ZNF438: variants seen among roughly 807,000 people sequenced by gnomAD.
ZNF438 encodes zinc finger protein 438.
ZNF438 carries 25 observed loss-of-function variants against 38.0 expected under a neutral mutation model. The observed-to-expected ratio is 0.66, with a 90% CI of 0.48 to 0.92. The LOEUF (loss-of-function observed/expected upper bound fraction) is 0.92, where lower values mean the gene tolerates loss of function less well. Among genes scored for constraint, ZNF438 ranks in the 40% least tolerant of loss-of-function variants. ZNF438 has a pLI of 0.00. For synonymous variants in ZNF438, 372 were observed against 364.1 expected (o/e 1.02, Z -0.25); for missense variants, 1,007 against 999.6 (o/e 1.01, Z -0.10).
At chr10:30,912,683 T>C (rs2043204279) in intron 2 of ZNF438, among the ~76,000 whole-genome samples, 2 of 152,146 alleles carry the variant, frequency 1.3e-5, no homozygotes, top group Admixed American at 1.3e-4. Flanking sequence ...TTTCTTCCAC[T>C]TACTGTCTGA....
At chr10:30,965,840 T>C (rs761170312) in intron 1 of ZNF438, among the ~76,000 whole-genome samples, 4 of 152,124 alleles carry the variant, frequency 2.6e-5, no homozygotes, top group Non-Finnish European at 5.9e-5. Context: ...GACAGGATCA[T>C]CCATAACCCA....
chr10:30,852,767 CAA>C (rs2033902175), intron 4 of ZNF438, among the ~76,000 whole-genome samples: 1 of 152,174 alleles, frequency 6.6e-6, no homozygotes, highest in African/African-American at 2.4e-5. Context: ...AAAAATCAGA[CAA>C]AGATAATTAT....
Position 31,004,044 on chromosome 10 carries a change from A to G in ZNF438, c.-192+27789T>C, listed in dbSNP as rs147187494. ...TCCTCAGAAGAGAACTTCAGGCTACATAAGTACTTCTCAATGGGGGGTGAT... is the reference window on the plus strand; with the variant it reads ...TCCTCAGAAGAGAACTTCAGGCTACGTAAGTACTTCTCAATGGGGGGTGAT... On this transcript the variant is annotated intron_variant, in intron 1 of 5. Coordinates refer to ENST00000413025, the Ensembl canonical transcript of ZNF438. Among the ~76,000 whole-genome samples the G allele has an allele frequency of 1.5e-4, 23 of 152,340 alleles. No individual in the cohort carries two copies. The East Asian group carries it at 3.7e-3, about 24-fold the overall frequency.
At chr10:30,896,679 G>A (rs758427473) in intron 3 of ZNF438, among the ~76,000 whole-genome samples, 22 of 152,156 alleles carry the variant, frequency 1.4e-4, no homozygotes, top group Admixed American at 3.9e-4. Flanking sequence ...GGCCGGAAGA[G>A]AAGAAACCAG....
intron 2 of ZNF438, among the ~76,000 whole-genome samples, chr10:30,917,904 G>A (rs1362433198): frequency 6.6e-6 from 1 of 152,024 alleles, no homozygotes. Flanking sequence ...GATATTCTCT[G>A]ATGTTTTCTT....
At chr10:31,001,332 TTATA>T (rs1314408122) in intron 1 of ZNF438, among the ~76,000 whole-genome samples, 1 of 152,212 alleles carries the variant, frequency 6.6e-6, no homozygotes, top group Non-Finnish European at 1.5e-5. Flanking sequence ...ATCTTTCAAG[TTATA>T]TGCACCCAGG....
intron 2 of ZNF438, among the ~76,000 whole-genome samples, chr10:30,909,453 G>C (rs1360400215): frequency 1.2e-4 from 18 of 152,194 alleles, no homozygotes. Flanking sequence ...CAGAACTCCT[G>C]ATTCTCGACT....
At chr10:30,861,035 C>A (rs541953843) in intron 4 of ZNF438, among the ~76,000 whole-genome samples, 1 of 152,262 alleles carries the variant, frequency 6.6e-6, no homozygotes, top group Admixed American at 6.5e-5. Flanking sequence ...GAAAGAGGAA[C>A]TATAGCCCCT....
At chr10:30,968,200 A>G (rs1442769474) in intron 1 of ZNF438, among the ~76,000 whole-genome samples, 1 of 152,132 alleles carries the variant, frequency 6.6e-6, no homozygotes, top group Non-Finnish European at 1.5e-5. Context: ...TTGATGGGAT[A>G]GTTGGCAAAC....
At chr10:30,854,422 C>T (rs537200910) in intron 4 of ZNF438, among the ~76,000 whole-genome samples, 66 of 152,106 alleles carry the variant, frequency 4.3e-4, no homozygotes, top group African/African-American at 1.5e-3. Flanking sequence ...GTGTCCAGTA[C>T]GTGACAGAGA....
chr10:30,888,364 C>CACACACACAA (rs1258231488), intron 3 of ZNF438, among the ~76,000 whole-genome samples: 1 of 151,282 alleles, frequency 6.6e-6, no homozygotes. Context: ...CACACACAAA[C>CACACACACAA]ACACACATTT....
chr10:30,975,796 A>G (rs1193593383), intron 1 of ZNF438, among the ~76,000 whole-genome samples: 1 of 152,214 alleles, frequency 6.6e-6, no homozygotes, highest in Non-Finnish European at 1.5e-5. Context: ...TCCTTTTGAT[A>G]AATACTTGAA....
intron 1 of ZNF438, among the ~76,000 whole-genome samples, chr10:30,950,527 G>A (rs897809498): frequency 1.3e-5 from 2 of 151,890 alleles, no homozygotes; most frequent in Non-Finnish European, 2.9e-5. Context: ...AAAAAAGAGA[G>A]AAGAATCAAT....
At chr10:30,937,307 C>A (rs1488696193) in intron 2 of ZNF438, among the ~76,000 whole-genome samples, 1 of 152,142 alleles carries the variant, frequency 6.6e-6, no homozygotes, top group Admixed American at 6.5e-5. Context: ...AAATTTAATG[C>A]TAAAAATATT....
intron 1 of ZNF438, among the ~76,000 whole-genome samples, chr10:30,979,543 T>C (rs531513198): frequency 8.3e-4 from 126 of 152,316 alleles, no homozygotes; most frequent in Middle Eastern, 6.8e-3. Flanking sequence ...TAAAACAGTA[T>C]GGTACTGGTA....
chr10:30,865,319 C>T (rs909604323), intron 4 of ZNF438, among the ~76,000 whole-genome samples: 3 of 152,180 alleles, frequency 2.0e-5, no homozygotes, highest in African/African-American at 7.2e-5. Flanking sequence ...TATCTATGGC[C>T]TTCTTTTAAC....
Position 30,857,443 on chromosome 10 carries a change from C to CG in ZNF438, c.38-7077dup, listed in dbSNP as rs1464236168. Among the ~76,000 whole-genome samples the CG allele has an allele frequency of 1.4e-3, 217 of 151,842 alleles. 2 individuals carry two copies. Among genetic ancestry groups the CG allele is most frequent in the Non-Finnish European group, 1.3e-4 (9 of 67,868 alleles). ...CTAATTTTTCTATTTTTAGTAGAGGCGGGGTTTCACCATGTTGGCCAGGCT... is the reference window on the plus strand; with the variant it reads ...CTAATTTTTCTATTTTTAGTAGAGGCGGGGGTTTCACCATGTTGGCCAGGCT... On this transcript the variant is annotated intron_variant, in intron 4 of 5. Transcript: ENST00000413025.
At chr10:30,927,574 C>A (rs2045105489) in intron 2 of ZNF438, among the ~76,000 whole-genome samples, 1 of 152,202 alleles carries the variant, frequency 6.6e-6, no homozygotes, top group Non-Finnish European at 1.5e-5. Context: ...TATTCCTAAT[C>A]CTAGATGTTC....
intron 4 of ZNF438, among the ~76,000 whole-genome samples, chr10:30,863,189 T>C (rs1276210257): frequency 6.6e-6 from 1 of 152,216 alleles, no homozygotes; most frequent in Non-Finnish European, 1.5e-5. Flanking sequence ...TTCCCTAACA[T>C]TTCTGCTGGT....
Sources: allele counts gnomAD v4.1 joint callset (sites outside exome capture counted in the v4.1 genomes callset), GRCh38; gene constraint gnomAD v4.1.1; transcripts MANE v1.5; gene names NCBI Gene and HGNC (gene_info 2026-07-23, HGNC 2026-07-21).